PDE8B: variants seen among roughly 807,000 people sequenced by gnomAD.
PDE8B encodes the protein high affinity cAMP-specific and IBMX-insensitive 3',5'-cyclic phosphodiesterase 8B.
Under a neutral mutation model 101.3 loss-of-function variants are expected in PDE8B, and 26 were observed. That is an observed-to-expected ratio of 0.26 (90% confidence interval 0.19 to 0.36). PDE8B has a LOEUF of 0.36. Among genes scored for constraint, PDE8B ranks in the 10% least tolerant of loss-of-function variants. The pLI is 1.00. For missense variants in PDE8B, 810 were observed against 1,163.1 expected (o/e 0.70, Z 4.42); for synonymous variants, 424 against 429.3 (o/e 0.99, Z 0.15).
At chr5:77,130,529 C>T in the PDE8B span, among the ~76,000 whole-genome samples, 2 of 152,064 alleles carry the variant, frequency 1.3e-5, no homozygotes, top group African/African-American at 4.8e-5. Context: ...TTATTTAACC[C>T]TCATGACAAC....
chr5:77,388,396 T>G (rs545684426), intron 10 of PDE8B, among the ~76,000 whole-genome samples: 1 of 152,156 alleles, frequency 6.6e-6, no homozygotes, highest in Non-Finnish European at 1.5e-5. Context: ...GTATCACCAG[T>G]GGAGGCTGCA....
chr5:77,247,519 T>C (rs1245942991), intron 1 of PDE8B, among the ~76,000 whole-genome samples: 1 of 152,202 alleles, frequency 6.6e-6, no homozygotes, highest in Non-Finnish European at 1.5e-5. Context: ...TGACCCTGTG[T>C]GACCTGCTGA....
the PDE8B span, among the ~76,000 whole-genome samples, chr5:77,133,102 T>A: frequency 4.5e-4 from 69 of 152,334 alleles, no homozygotes; most frequent in African/African-American, 1.6e-3. Flanking sequence ...AATATTCACT[T>A]TTCTCCCTCA....
At chr5:77,109,983 G>C in the PDE8B span, among the ~76,000 whole-genome samples, 2 of 124,338 alleles carry the variant, frequency 1.6e-5, no homozygotes, top group African/African-American at 6.3e-5. Flanking sequence ...TGTCATCCAG[G>C]CTGGAGTGCA....
intron 1 of PDE8B, among the ~76,000 whole-genome samples, chr5:77,262,520 C>T (rs946545710): frequency 6.6e-6 from 1 of 152,222 alleles, no homozygotes; most frequent in Non-Finnish European, 1.5e-5. Context: ...ATACTGCTGT[C>T]ACAAAAATTG....
At chr5:77,246,626 T>G (rs973736340) in intron 1 of PDE8B, 1 of 152,214 alleles carries the variant, frequency 6.6e-6, no homozygotes, top group Non-Finnish European at 1.5e-5. Flanking sequence ...ATTTATTTAC[T>G]TATTGTCTAT....
intron 6 of PDE8B, among the ~76,000 whole-genome samples, chr5:77,342,067 G>A (rs896327241): frequency 2.6e-5 from 4 of 152,130 alleles, no homozygotes; most frequent in Non-Finnish European, 2.9e-5. Flanking sequence ...CACTCCGCAC[G>A]CATACCTCAC....
the PDE8B span, among the ~76,000 whole-genome samples, chr5:77,115,638 C>T: frequency 2.0e-5 from 3 of 152,052 alleles, no homozygotes; most frequent in African/African-American, 7.3e-5. Flanking sequence ...AAAGAAAGAA[C>T]CTGAAGGACC....
the PDE8B span, among the ~76,000 whole-genome samples, chr5:77,092,292 ATC>A: frequency 5.3e-5 from 8 of 152,110 alleles, no homozygotes; most frequent in Non-Finnish European, 7.4e-5. Flanking sequence ...GTAATCAGAA[ATC>A]TCTTTCTTGT....
intron 1 of PDE8B, among the ~76,000 whole-genome samples, chr5:77,310,691 C>A (rs1366489709): frequency 2.6e-5 from 4 of 152,246 alleles, no homozygotes; most frequent in African/African-American, 9.6e-5. Context: ...TCCTGAGAAC[C>A]CCCCACAGAG....
At chr5:77,109,740 T>C in the PDE8B span, among the ~76,000 whole-genome samples, 1 of 152,154 alleles carries the variant, frequency 6.6e-6, no homozygotes, top group African/African-American at 2.4e-5. Flanking sequence ...CCAGAGCTAG[T>C]GAATCTAAAG....
chr5:77,118,229 G>A, the PDE8B span: 1 of 393,558 alleles, frequency 2.5e-6, no homozygotes, highest in East Asian at 3.6e-5. Flanking sequence ...TTACCGGTGT[G>A]AGCCACCACG....
rs115884438 is a variant in PDE8B, at chr5:77,238,746, C to T, written c.339+27482C>T. 3.8e-3 allele frequency among the ~76,000 whole-genome samples: 577 copies of T among 152,322 alleles called. 2 individuals are homozygous for T. The highest frequency in any genetic ancestry group is 0.013 in the African/African-American group (548 of 41,558). On this transcript the variant is annotated intron_variant, in intron 1 of 21. Transcript: ENST00000264917. Reference sequence around the variant, plus strand: ...GCAGTTCTAGTTCAAATCTGAAGGTCTGAGAACCAGCAGAGTCAATGTGTA... The same window carrying T: ...GCAGTTCTAGTTCAAATCTGAAGGTTTGAGAACCAGCAGAGTCAATGTGTA...
chr5:77,239,253 C>T (rs1358003361), intron 1 of PDE8B, among the ~76,000 whole-genome samples: 1 of 152,212 alleles, frequency 6.6e-6, no homozygotes, highest in African/African-American at 2.4e-5. Context: ...TTCTAGTCAG[C>T]CTTCTTTTGT....
chr5:77,314,414 G>A (rs1377021012), intron 2 of PDE8B, among the ~76,000 whole-genome samples: 2 of 152,036 alleles, frequency 1.3e-5, no homozygotes, highest in Non-Finnish European at 2.9e-5. Flanking sequence ...GTCAATTTCT[G>A]TGGGGGCTTC....
At chr5:77,322,325 T>C (rs1029027667) in intron 2 of PDE8B, among the ~76,000 whole-genome samples, 6 of 152,074 alleles carry the variant, frequency 3.9e-5, no homozygotes, top group Non-Finnish European at 8.8e-5. Flanking sequence ...CCTTCCAGGG[T>C]CAGCAAAGCC....
chr5:77,286,282 T>C (rs1311372853), intron 1 of PDE8B, among the ~76,000 whole-genome samples: 1 of 152,230 alleles, frequency 6.6e-6, no homozygotes, highest in Non-Finnish European at 1.5e-5. Context: ...AAATCTTCCC[T>C]GTGCATGAAC....
intron 10 of PDE8B, among the ~76,000 whole-genome samples, chr5:77,374,762 G>A (rs991166502): frequency 1.3e-5 from 2 of 152,196 alleles, no homozygotes; most frequent in African/African-American, 4.8e-5. Flanking sequence ...AATCTACTAT[G>A]TACCCAAGTA....
At chr5:77,106,945 A>G in the PDE8B span, among the ~76,000 whole-genome samples, 1,145 of 152,168 alleles carry the variant, frequency 7.5e-3, 23 homozygotes, top group African/African-American at 0.026. Context: ...GTACATGTGC[A>G]CAACGTGCAG....
Sources: gnomAD v4.1 joint callset for allele counts (sites outside exome capture counted in the v4.1 genomes callset) on GRCh38, gnomAD v4.1.1 for gene constraint, MANE v1.5 for transcripts, NCBI Gene and HGNC (gene_info 2026-07-23, HGNC 2026-07-21) for gene names.